MDGA2: variants seen among roughly 807,000 people sequenced by gnomAD.
MDGA2 encodes MAM domain containing glycosylphosphatidylinositol anchor 2, also known as MAM domain-containing glycosylphosphatidylinositol anchor protein 2.
MDGA2 carries 40 observed loss-of-function variants against 117.8 expected under a neutral mutation model. The ratio of observed to expected loss-of-function variants is 0.34; its 90% CI spans 0.26 to 0.44. The LOEUF (loss-of-function observed/expected upper bound fraction) is 0.44. MDGA2 is among the 20% of genes least tolerant of loss of function. MDGA2 has a pLI of 1.00. For missense variants in MDGA2, 1,123 were observed against 1,250.6 expected, an observed-to-expected ratio of 0.90 and a Z score of 1.54; for synonymous variants, 452 against 439.0, an observed-to-expected ratio of 1.03 and a Z score of -0.37.
intron 2 of MDGA2, among the ~76,000 whole-genome samples, chr14:47,241,044 G>A (rs1219919263): frequency 6.6e-6 from 1 of 151,808 alleles, no homozygotes; most frequent in Non-Finnish European, 1.5e-5. Context: ...TGAAATCATT[G>A]AGGGTTTTCA....
chr14:46,877,348 T>C (rs999317081), intron 12 of MDGA2, 141 bp downstream of exon 12: 8 of 457,610 alleles, frequency 1.7e-5, no homozygotes, highest in Non-Finnish European at 3.2e-5. Flanking sequence ...AATCTACATT[T>C]AATGCCAATT....
intron 1 of MDGA2, among the ~76,000 whole-genome samples, chr14:47,369,567 C>G (rs374648645): frequency 6.6e-6 from 1 of 152,080 alleles, no homozygotes; most frequent in African/African-American, 2.4e-5. Context: ...GCCATCTCCC[C>G]GGTCCCGACA....
At chr14:47,205,669 G>GA in intron 3 of MDGA2, among the ~76,000 whole-genome samples, 1 of 151,912 alleles carries the variant, frequency 6.6e-6, no homozygotes, top group Admixed American at 6.6e-5. Context: ...ATTTAGAAAG[G>GA]AAAAAACAAG....
chr14:46,847,936 C>A (rs1880906719), intron 15 of MDGA2, among the ~76,000 whole-genome samples: 1 of 152,014 alleles, frequency 6.6e-6, no homozygotes, highest in Non-Finnish European at 1.5e-5. Context: ...TATATTTTCC[C>A]TCTTTGATAT....
At chr14:47,254,452 G>C (rs895975258) in intron 2 of MDGA2, among the ~76,000 whole-genome samples, 3 of 152,112 alleles carry the variant, frequency 2.0e-5, no homozygotes, top group Non-Finnish European at 4.4e-5. Flanking sequence ...CTAAAGCATA[G>C]CAAGAGTTGC....
chr14:47,497,147 C>T (rs1189547997), intron 1 of MDGA2, among the ~76,000 whole-genome samples: 6 of 152,138 alleles, frequency 3.9e-5, no homozygotes, highest in Non-Finnish European at 1.5e-5. Flanking sequence ...TGAAAAAGGA[C>T]TGAAGTTCAC....
chr14:47,588,744 A>G (rs933547523), intron 1 of MDGA2, among the ~76,000 whole-genome samples: 1 of 151,972 alleles, frequency 6.6e-6, no homozygotes. Flanking sequence ...AGTCCAATTT[A>G]TCTATATATA....
At chr14:47,480,181 A>C (rs1326655028) in intron 1 of MDGA2, among the ~76,000 whole-genome samples, 1 of 152,120 alleles carries the variant, frequency 6.6e-6, no homozygotes, top group Non-Finnish European at 1.5e-5. Flanking sequence ...TGGCATGTGT[A>C]AAATTAATTC....
At chr14:47,167,770 T>C (rs923207172) in intron 3 of MDGA2, among the ~76,000 whole-genome samples, 2 of 152,310 alleles carry the variant, frequency 1.3e-5, no homozygotes, top group African/African-American at 2.4e-5. Flanking sequence ...AGTGGTTATA[T>C]GAACAAAATG....
rs1302448436 is a variant in MDGA2 at position 46,955,374 on chromosome 14, ATAAAACTGCTATGACTTCACCAT to A, written c.2089+1977_2089+1999del. Among the ~76,000 whole-genome samples, 3 of 152,218 alleles carry A rather than the reference ATAAAACTGCTATGACTTCACCAT, an allele frequency of 2.0e-5. No individual in the cohort carries two copies. The East Asian group carries it at 5.8e-4, about 29-fold the overall frequency. ...AGCTCATGAAGCTCACTTAAACCTCATAAAACTGCTATGACTTCACCATTAAAATACGAGTAAATAAAATATAT... is the reference window on the plus strand; with the variant it reads ...AGCTCATGAAGCTCACTTAAACCTCATAAAATACGAGTAAATAAAATATAT... On this transcript the variant is annotated intron_variant, in intron 9 of 16. Transcript: ENST00000399232.
At chr14:47,560,536 G>A (rs554643626) in intron 1 of MDGA2, among the ~76,000 whole-genome samples, 3 of 152,070 alleles carry the variant, frequency 2.0e-5, no homozygotes, top group South Asian at 4.2e-4. Context: ...TCCTTGGCCC[G>A]CTTTTTAATG....
chr14:47,518,057 G>A (rs557674026), intron 1 of MDGA2, among the ~76,000 whole-genome samples: 1 of 152,160 alleles, frequency 6.6e-6, no homozygotes, highest in East Asian at 1.9e-4. Context: ...TTTTTATATT[G>A]TAGGTGACTG....
chr14:47,054,798 A>G (rs949042402), intron 7 of MDGA2, among the ~76,000 whole-genome samples: 1 of 151,844 alleles, frequency 6.6e-6, no homozygotes, highest in Admixed American at 6.6e-5. Context: ...CTGGCTAGCC[A>G]TATGTAGAAA....
At chr14:47,664,567 T>TA (rs1236596120) in intron 1 of MDGA2, among the ~76,000 whole-genome samples, 5 of 152,232 alleles carry the variant, frequency 3.3e-5, no homozygotes, top group African/African-American at 1.2e-4. Context: ...GATTTTTGCC[T>TA]GAAGTAACAC....
intron 4 of MDGA2, among the ~76,000 whole-genome samples, chr14:47,135,808 T>G (rs554607997): frequency 1.6e-4 from 25 of 152,284 alleles, no homozygotes; most frequent in African/African-American, 6.0e-4. Flanking sequence ...TTGAGGTATC[T>G]CTTTATGATT....
intron 6 of MDGA2, among the ~76,000 whole-genome samples, chr14:47,074,364 G>C (rs1890412098): frequency 6.6e-6 from 1 of 151,190 alleles, no homozygotes; most frequent in Non-Finnish European, 1.5e-5. Context: ...GCAGTGCGGT[G>C]GCGCGATCTC....
At chr14:47,291,487 AC>A (rs139180679) in intron 2 of MDGA2, among the ~76,000 whole-genome samples, 13,855 of 152,248 alleles carry the variant, frequency 0.091, 777 homozygotes, top group Non-Finnish European at 0.11. Context: ...GATAACCCCA[AC>A]GCAACTTGAA....
At chr14:47,160,756 A>C (rs757050684) in intron 3 of MDGA2, among the ~76,000 whole-genome samples, 23 of 152,200 alleles carry the variant, frequency 1.5e-4, no homozygotes, top group Admixed American at 3.9e-4. Flanking sequence ...TTCACATATA[A>C]ATTTTAATTT....
At chr14:47,193,097 ACTTAT>A (rs138678325) in intron 3 of MDGA2, among the ~76,000 whole-genome samples, 9,731 of 152,218 alleles carry the variant, frequency 0.064, 357 homozygotes, top group Non-Finnish European at 0.065. Context: ...ATACTTTAAG[ACTTAT>A]CTTAAGTATT....
Sources: allele counts gnomAD v4.1 joint callset (sites outside exome capture counted in the v4.1 genomes callset), GRCh38; gene constraint gnomAD v4.1.1; transcripts MANE v1.5; gene names NCBI Gene and HGNC (gene_info 2026-07-23, HGNC 2026-07-21).